THSD7B: variants seen among roughly 807,000 people sequenced by gnomAD.
THSD7B encodes thrombospondin type 1 domain containing 7B, also known as thrombospondin type-1 domain-containing protein 7B.
A neutral mutation model predicts 213.6 loss-of-function variants in THSD7B; 138 were observed. The ratio of observed to expected loss-of-function variants is 0.65; its 90% CI spans 0.56 to 0.74. THSD7B has a LOEUF of 0.74. THSD7B is among the 30% of genes least tolerant of loss of function. The pLI, the probability that THSD7B is intolerant of heterozygous loss-of-function variation, is 0.00. For missense variants in THSD7B, 1,931 were observed against 1,991.5 expected (o/e 0.97, Z 0.58); for synonymous variants, 742 against 687.0 (o/e 1.08, Z -1.25).
At chr2:136,872,620 CTCTTTCTTT>C (rs918278524) in intron 1 of THSD7B, among the ~76,000 whole-genome samples, 1 of 126,534 alleles carries the variant, frequency 7.9e-6, no homozygotes, top group African/African-American at 2.9e-5. Flanking sequence ...TTTCTTCTTT[CTCTTTCTTT>C]TCTTTCTTTC....
intron 5 of THSD7B, among the ~76,000 whole-genome samples, chr2:137,119,287 T>A (rs1435420743): frequency 3.3e-5 from 5 of 152,224 alleles, no homozygotes; most frequent in Non-Finnish European, 7.4e-5. Flanking sequence ...TTAAAAAAAT[T>A]ATGTGCCTGT....
intron 21 of THSD7B, among the ~76,000 whole-genome samples, chr2:137,644,022 A>G (rs1682985911): frequency 6.6e-6 from 1 of 152,208 alleles, no homozygotes; most frequent in African/African-American, 2.4e-5. Flanking sequence ...GAGCTTTTAC[A>G]AAAACAATAA....
chr2:137,478,044 A>G (rs1244126638), intron 15 of THSD7B, among the ~76,000 whole-genome samples: 4 of 151,930 alleles, frequency 2.6e-5, no homozygotes, highest in Non-Finnish European at 5.9e-5. Context: ...GACGTTTGAG[A>G]CTGTGACTAT....
chr2:137,523,412 C>T (rs978712327), intron 15 of THSD7B, among the ~76,000 whole-genome samples: 1 of 152,110 alleles, frequency 6.6e-6, no homozygotes, highest in Non-Finnish European at 1.5e-5. Context: ...AATCCAATCC[C>T]ACATTTTCTT....
chr2:137,528,191 A>G (rs1680314834), intron 15 of THSD7B, among the ~76,000 whole-genome samples: 3 of 152,046 alleles, frequency 2.0e-5, no homozygotes, highest in Non-Finnish European at 2.9e-5. Context: ...GTTGTGCCCA[A>G]AATTGGGGTT....
At chr2:137,283,881 C>A (rs905435297) in intron 12 of THSD7B, among the ~76,000 whole-genome samples, 1 of 152,078 alleles carries the variant, frequency 6.6e-6, no homozygotes, top group Middle Eastern at 3.2e-3. Flanking sequence ...GTATCTCTTC[C>A]CAGCTTTGGT....
chr2:137,315,790 C>G (rs1219380306), intron 12 of THSD7B, among the ~76,000 whole-genome samples: 1 of 152,082 alleles, frequency 6.6e-6, no homozygotes, highest in Non-Finnish European at 1.5e-5. Flanking sequence ...CCTAGTTACC[C>G]CATGAGTTCA....
intron 1 of THSD7B, among the ~76,000 whole-genome samples, chr2:136,859,403 C>T (rs953168191): frequency 1.3e-5 from 2 of 152,148 alleles, no homozygotes; most frequent in African/African-American, 2.4e-5. Context: ...ATTCTCTTCT[C>T]GAATAATTGA....
At chr2:136,971,020 A>G (rs573144959) in intron 2 of THSD7B, among the ~76,000 whole-genome samples, 3 of 152,338 alleles carry the variant, frequency 2.0e-5, no homozygotes, top group East Asian at 1.9e-4. Context: ...GCAACTAAAC[A>G]GTGGAATAAA....
At chr2:137,674,443 C>T (rs567669299) in intron 27 of THSD7B, among the ~76,000 whole-genome samples, 1 of 152,136 alleles carries the variant, frequency 6.6e-6, no homozygotes, top group Non-Finnish European at 1.5e-5. Context: ...TACAGGCTGT[C>T]ACTTTCAGAT....
intron 1 of THSD7B, among the ~76,000 whole-genome samples, chr2:136,830,777 T>G (rs1215435276): frequency 1.3e-5 from 2 of 152,220 alleles, no homozygotes; most frequent in African/African-American, 4.8e-5. Context: ...CAGTTCCATA[T>G]ACAATTTGGC....
At chr2:137,373,999 A>C (rs1441029821) in intron 12 of THSD7B, among the ~76,000 whole-genome samples, 1 of 152,202 alleles carries the variant, frequency 6.6e-6, no homozygotes, top group Non-Finnish European at 1.5e-5. Context: ...GTCAAAGATC[A>C]GATAGTTGTA....
At chr2:137,484,267 G>A (rs1053812560) in intron 15 of THSD7B, among the ~76,000 whole-genome samples, 16 of 149,878 alleles carry the variant, frequency 1.1e-4, no homozygotes, top group African/African-American at 3.4e-4. Context: ...GAGAATATGC[G>A]GTGTTTGGTT....
intron 15 of THSD7B, among the ~76,000 whole-genome samples, chr2:137,500,924 C>G (rs942906800): frequency 6.6e-6 from 1 of 151,910 alleles, no homozygotes; most frequent in Non-Finnish European, 1.5e-5. Flanking sequence ...ATACTTAGTA[C>G]CTTTTATGTT....
chr2:137,214,734 C>T (rs2105037946), intron 7 of THSD7B, among the ~76,000 whole-genome samples: 1 of 152,268 alleles, frequency 6.6e-6, no homozygotes, highest in East Asian at 1.9e-4. Flanking sequence ...TTTCCAGCTT[C>T]ATCCATGTCC....
At chr2:137,364,694 G>C (rs1012123453) in intron 12 of THSD7B, among the ~76,000 whole-genome samples, 1 of 152,132 alleles carries the variant, frequency 6.6e-6, no homozygotes, top group Non-Finnish European at 1.5e-5. Flanking sequence ...GGAGGTGAAA[G>C]ACCTCTTCAA....
chr2:136,807,525 T>TTTTTTTTTTTTTTTAGG, intron 1 of THSD7B, among the ~76,000 whole-genome samples: 1 of 148,924 alleles, frequency 6.7e-6, no homozygotes, highest in Non-Finnish European at 1.5e-5. Context: ...TTTTTTTTTT[T>TTTTTTTTTTTTTTTAGG]GAGACGGAGT....
At chr2:137,659,461 G>A (rs1683301129) in intron 24 of THSD7B, among the ~76,000 whole-genome samples, 1 of 152,120 alleles carries the variant, frequency 6.6e-6, no homozygotes, top group Admixed American at 6.5e-5. Flanking sequence ...ACTGCAAATA[G>A]CCTCTGTTAG....
chr2:136,828,862 G>A (rs961460461), intron 1 of THSD7B, among the ~76,000 whole-genome samples: 1 of 152,018 alleles, frequency 6.6e-6, no homozygotes, highest in Non-Finnish European at 1.5e-5. Context: ...ATAGCAACAT[G>A]GTCTTCTCCT....
Sources: allele counts gnomAD v4.1 joint callset (sites outside exome capture counted in the v4.1 genomes callset), GRCh38; gene constraint gnomAD v4.1.1; transcripts MANE v1.5; gene names NCBI Gene and HGNC (gene_info 2026-07-23, HGNC 2026-07-21).